The following ZNF239 variants were observed in gnomAD, a reference collection of about 807,000 sequenced individuals.
The protein encoded by ZNF239 is zinc finger protein (C2H2) homologous to mouse MOK-2.
ZNF239 carries 16 observed loss-of-function variants against 27.5 expected under a neutral mutation model. The ratio of observed to expected loss-of-function variants is 0.58; its 90% CI spans 0.39 to 0.88. ZNF239 has a LOEUF of 0.88. Ranked by LOEUF, ZNF239 falls within the 40% of genes least tolerant of loss-of-function variation. ZNF239 has a pLI of 0.00. For missense variants in ZNF239, 527 were observed against 551.9 expected (o/e 0.95, Z 0.45); for synonymous variants, 199 against 192.6 (o/e 1.03, Z -0.27).
Position 43,561,333 on chromosome 10 carries a change from A to AC in ZNF239, c.-92-3163_-92-3162insG, listed in dbSNP as rs1837234305. Among the ~76,000 whole-genome samples the AC allele has an allele frequency of 7.7e-5, 10 of 129,756 alleles. No individual in the cohort carries two copies. In the Admixed American group the frequency reaches 8.7e-4, roughly 11 times the overall value. 85.1% of individuals were successfully genotyped at this position (129,756 alleles called of 152,430 possible). On this transcript the variant is annotated intron_variant, in intron 3 of 3. Transcript: ENST00000374446. ...CTTTTAAACCTCAGGACTTCAAGGAAAAAACAAACAAACAAACAAACAAAC... is the reference window on the plus strand; with the variant it reads ...CTTTTAAACCTCAGGACTTCAAGGAACAAAACAAACAAACAAACAAACAAAC...
chr10:43,566,204 G>T (rs1286124006), intron 3 of ZNF239, among the ~76,000 whole-genome samples: 1 of 152,062 alleles, frequency 6.6e-6, no homozygotes, highest in African/African-American at 2.4e-5. Flanking sequence ...AAACTGAAAG[G>T]CCACAGTTAC....
chr10:43,572,560 A>G (rs993240824), intron 2 of ZNF239, among the ~76,000 whole-genome samples: 1 of 152,238 alleles, frequency 6.6e-6, no homozygotes, highest in Non-Finnish European at 1.5e-5. Flanking sequence ...GCCTGAAGGA[A>G]GAAAACACGG....
chr10:43,558,243 G>T, intron 3 of ZNF239, 72 bp from the exon 4 acceptor site: 2 of 1,375,118 alleles, frequency 1.5e-6, no homozygotes, highest in Non-Finnish European at 1.9e-6. Context: ...GAGTGCCTAA[G>T]GCCTGAAGTC....
Position 43,557,893 on chromosome 10 carries a change from A to G in ZNF239, c.187T>C (p.Tyr63His). 2 of 1,614,190 alleles carry G rather than the reference A, an allele frequency of 1.2e-6. No homozygotes were observed. The highest frequency in any genetic ancestry group is 8.5e-7 in the Non-Finnish European group (1 of 1,180,014). ...GCFENIESET[Y>H]LPLKVSSQID... The stretch of plus-strand genomic sequence containing the variant: ...TGGCTTGAGACTTTCAAAGGCAAAT[A>G]TGTTTCACTTTCAATGTTTTCGAAA... The change falls in exon 4 of 4, where the codon TAT becomes CAT. Residue 63 changes from tyrosine (Y) to histidine (H), a missense_variant. By Grantham distance (83) the Tyr-to-His change is moderately conservative. Transcript: ENST00000374446.
In ZNF239 at chr10:43,558,144, T is replaced by C. The variant is rs1041047345; in HGVS notation, c.-65A>G. On this transcript the variant is annotated 5_prime_UTR_variant, in exon 4 of 4. Coordinates refer to ENST00000374446, the MANE Select transcript of ZNF239 (RefSeq NM_001099282.2). ...ATCCTGAAGTGTTTTCTGCTGAAGA[T>C]TCTCCACAGAATTTTCATTCAAGTC... 10 of 1,506,212 alleles carry C rather than the reference T, an allele frequency of 6.6e-6. No homozygotes were observed. The Admixed American group carries it at 7.0e-5, about 11-fold the overall frequency. The allele number at this position is 1,506,212 out of a possible 1,614,324, so 93.3% of individuals were successfully genotyped here.
In ZNF239 at chr10:43,556,780, T is replaced by G; in HGVS notation, c.1300A>C (p.Ser434Arg). ...VHTGEKPYEC[S>R]KCGKGFSQSS... ...TGGCTGAAGCCCTTCCCACACTTGC[T>G]GCACTCATAGGGCTTCTCTCCAGTA... is the stretch of plus-strand genomic sequence containing the variant. Residue 434 changes from serine to arginine, a missense_variant, in exon 4 of 4, where the codon AGC becomes CGC. Ser to Arg is a moderately radical substitution (Grantham distance 110). Transcript: ENST00000374446. 2 of 1,591,930 alleles carry G rather than the reference T, an allele frequency of 1.3e-6. No homozygotes were observed. The highest frequency in any genetic ancestry group is 1.7e-6 in the Non-Finnish European group (2 of 1,170,096).
chr10:43,559,090 A>C (rs1185220995), intron 3 of ZNF239, among the ~76,000 whole-genome samples: 1 of 152,218 alleles, frequency 6.6e-6, no homozygotes, highest in Non-Finnish European at 1.5e-5. Context: ...TGTTAAAGAA[A>C]ACTACAAGCG....
Position 43,557,117 on chromosome 10 carries a change from A to G in ZNF239, c.963T>C (p.Cys321=). The G allele has an allele frequency of 1.2e-6, 2 of 1,610,738 alleles. No individual in the cohort carries two copies. The highest frequency in any genetic ancestry group is 1.7e-6 in the Non-Finnish European group (2 of 1,178,678). Residue 321 remains cysteine, a synonymous_variant, in exon 4 of 4, where the codon TGT becomes TGC. Transcript: ENST00000374446. ...RVHTGEKPYE[C]EECGMSFSQR... is the part of the protein sequence containing the mutation. ...GACTGAAGCTCATACCACACTCCTCACACTCATAGGGCTTCTCTCCAGTGT... is the reference window on the plus strand; with the variant it reads ...GACTGAAGCTCATACCACACTCCTCGCACTCATAGGGCTTCTCTCCAGTGT...
chr10:43,568,555 A>C, intron 2 of ZNF239: 1 of 739,116 alleles, frequency 1.4e-6, no homozygotes. Flanking sequence ...TTCCTCTTCT[A>C]AACTAAGTAG....
chr10:43,556,511 A>G lies in ZNF239; in HGVS notation c.*192T>C. On this transcript the variant is annotated 3_prime_UTR_variant, in exon 4 of 4. Transcript: ENST00000374446. Reference sequence around the variant, plus strand: ...TCTACCCATCTGAGAAACAAGAACAATCCATTCATTGTACAGCATAACAAA... The same window carrying G: ...TCTACCCATCTGAGAAACAAGAACAGTCCATTCATTGTACAGCATAACAAA... The G allele has an allele frequency of 2.9e-6, 2 of 681,018 alleles. No individual in the cohort carries two copies. Among genetic ancestry groups the G allele is most frequent in the Non-Finnish European group, 4.8e-6 (2 of 420,558 alleles). 42.2% of individuals were successfully genotyped at this position (681,018 alleles called of 1,614,324 possible).
At chr10:43,564,004 T>C (rs1837460309) in intron 3 of ZNF239, among the ~76,000 whole-genome samples, 1 of 152,156 alleles carries the variant, frequency 6.6e-6, no homozygotes, top group South Asian at 2.1e-4. Context: ...TTCAACGCCA[T>C]AACTGAGCCA....
chr10:43,560,413 G>A (rs2132243514), intron 3 of ZNF239, among the ~76,000 whole-genome samples: 1 of 152,232 alleles, frequency 6.6e-6, no homozygotes, highest in East Asian at 1.9e-4. Flanking sequence ...AGCAGGGCAT[G>A]CCCCAGATAA....
rs944302727 is a variant in ZNF239, at chr10:43,567,950, G to T, written c.-144C>A. 1 of 985,730 alleles carries T rather than the reference G, an allele frequency of 1.0e-6. No homozygotes were observed. The highest frequency in any genetic ancestry group is 1.2e-6 in the Non-Finnish European group (1 of 830,020). 61.1% of individuals were successfully genotyped at this position (985,730 alleles called of 1,614,324 possible). On this transcript the variant is annotated 5_prime_UTR_variant, in exon 3 of 4. Coordinates refer to ENST00000374446, the MANE Select transcript of ZNF239 (RefSeq NM_001099282.2). ...GCATCACAGCTCCGCACAGCTTCCTGGGAGCAGAGTCCAGGTGACCTCACT... is the reference window on the plus strand; with the variant it reads ...GCATCACAGCTCCGCACAGCTTCCTTGGAGCAGAGTCCAGGTGACCTCACT...
intron 3 of ZNF239, among the ~76,000 whole-genome samples, chr10:43,565,493 C>T (rs1195687889): frequency 1.3e-5 from 2 of 152,076 alleles, no homozygotes; most frequent in Non-Finnish European, 2.9e-5. Flanking sequence ...TAATTTGTCT[C>T]CTTTTGGCAG....
At position 43,557,777 on chromosome 10, in the gene ZNF239, G is replaced by A. The variant is rs1326110759; in HGVS notation, c.303C>T (p.Ser101=). The A allele has an allele frequency of 1.2e-6, 2 of 1,614,004 alleles. No homozygotes were observed. The highest frequency in any genetic ancestry group is 1.3e-5 in the African/African-American group (1 of 74,924). ...ESRRLFVMEE[S]TERKVIKGES... is the part of the protein sequence containing the mutation. ...CCCCCTTTATCACTTTTCTCTCAGTGCTTTCTTCCATTACAAAGAGACGTC... is the reference window on the plus strand; with the variant it reads ...CCCCCTTTATCACTTTTCTCTCAGTACTTTCTTCCATTACAAAGAGACGTC... The change falls in exon 4 of 4, where the codon AGC becomes AGT. Residue 101 remains serine, a synonymous_variant. Coordinates refer to ENST00000374446, the MANE Select transcript of ZNF239 (RefSeq NM_001099282.2).
intron 3 of ZNF239, among the ~76,000 whole-genome samples, chr10:43,563,513 A>AT (rs1336900830): frequency 1.3e-5 from 2 of 152,242 alleles, no homozygotes; most frequent in African/African-American, 4.8e-5. Context: ...ATGTACATAC[A>AT]TAAGTACAGA....
intron 3 of ZNF239, among the ~76,000 whole-genome samples, chr10:43,566,372 G>A (rs113589473): frequency 6.6e-6 from 1 of 151,702 alleles, no homozygotes; most frequent in African/African-American, 2.4e-5. Context: ...CTGCAACTCT[G>A]CCTTCCTGGC....
chr10:43,557,719 C>T lies in ZNF239; in HGVS notation c.361G>A (p.Val121Met). 6.2e-7 allele frequency: 1 copy of T among 1,614,130 alleles called. No individual in the cohort carries two copies. Among genetic ancestry groups the T allele is most frequent in the Non-Finnish European group, 8.5e-7 (1 of 1,180,026 alleles). Residue 121 changes from valine (V) to methionine (M), a missense_variant, in exon 4 of 4, where the codon GTG becomes ATG. Physicochemically the swap from Val to Met is conservative, Grantham distance 21 (BLOSUM62 1). Transcript: ENST00000374446. Reference sequence around the variant, plus strand: ...GAGGCCAGTTCTTGTCCATCAGACACCAGTTTAACTTGAAGGTTCTCTGAA... The same window carrying T: ...GAGGCCAGTTCTTGTCCATCAGACATCAGTTTAACTTGAAGGTTCTCTGAA... ...SCSENLQVKL[V>M]SDGQELASPL...
chr10:43,559,151 G>A lies in ZNF239; in HGVS notation c.-92-980C>T, dbSNP rs115090227. ...GTAAGAGTGGTGAAGAATGTGCCACGGAGGGGAAGTAAGAGGACAGAGCAA... is the reference window on the plus strand; with the variant it reads ...GTAAGAGTGGTGAAGAATGTGCCACAGAGGGGAAGTAAGAGGACAGAGCAA... On this transcript the variant is annotated intron_variant, in intron 3 of 3. Coordinates refer to ENST00000374446, the MANE Select transcript of ZNF239 (RefSeq NM_001099282.2). Among the ~76,000 whole-genome samples, 487 of 152,288 alleles carry A rather than the reference G, an allele frequency of 3.2e-3. 2 individuals carry two copies. The highest frequency in any genetic ancestry group is 0.011 in the African/African-American group (475 of 41,556).
Sources: gnomAD v4.1 joint callset for allele counts (sites outside exome capture counted in the v4.1 genomes callset) on GRCh38, gnomAD v4.1.1 for gene constraint, MANE v1.5 for transcripts, NCBI Gene and HGNC (gene_info 2026-07-23, HGNC 2026-07-21) for gene names.